Variants in FBXL13 observed in about 807,000 individuals in gnomAD.
The protein encoded by FBXL13 is F-box and leucine rich repeat protein 13, also known as F-box and leucine-rich repeat protein 13.
FBXL13 carries 67 observed loss-of-function variants against 83.6 expected under a neutral mutation model. The observed-to-expected ratio is 0.80, with a 90% CI of 0.66 to 0.98. The LOEUF (loss-of-function observed/expected upper bound fraction) is 0.98, where lower values mean the gene tolerates loss of function less well. Among genes scored for constraint, FBXL13 ranks in the 50% least tolerant of loss-of-function variants. FBXL13 has a pLI of 0.00. For missense variants in FBXL13, 822 were observed against 866.5 expected (o/e 0.95, Z 0.64); for synonymous variants, 272 against 299.5 (o/e 0.91, Z 0.95).
Position 102,861,867 on chromosome 7 carries a change from G to A in FBXL13, c.1636-7007C>T, listed in dbSNP as rs529347672. Among the ~76,000 whole-genome samples, 10 of 151,708 alleles carry A rather than the reference G, an allele frequency of 6.6e-5. No individual in the cohort carries two copies. In the East Asian group the frequency reaches 1.6e-3, roughly 24 times the overall value. ...CATGGTGGCAGGTGCTTGTAATCCC[G>A]GCTACTCGGGAGGATGAGGCAGGAG... is the stretch of plus-strand genomic sequence containing the variant. On this transcript the variant is annotated intron_variant, in intron 16 of 19. Coordinates refer to ENST00000313221, the Ensembl canonical transcript of FBXL13.
chr7:102,939,282 G>C (rs971336941), intron 8 of FBXL13: 7 of 615,544 alleles, frequency 1.1e-5, no homozygotes, highest in Non-Finnish European at 1.6e-5. Context: ...GTATGCTAAG[G>C]CTTGTTTCAT....
intron 2 of FBXL13, 56 bp downstream of exon 2, chr7:103,055,588 A>G: frequency 1.3e-6 from 1 of 799,144 alleles, no homozygotes; most frequent in South Asian, 1.6e-5. Flanking sequence ...ACTATGCAAT[A>G]AAAGTTTTCC....
intron 6 of FBXL13, chr7:102,978,551 C>T (rs1050143699): frequency 6.4e-6 from 1 of 156,072 alleles, no homozygotes; most frequent in Non-Finnish European, 1.4e-5. Flanking sequence ...CAGACTGGGA[C>T]ATTTCCTGTT....
At chr7:102,882,125 T>C (rs1446097197) in intron 14 of FBXL13, among the ~76,000 whole-genome samples, 1 of 152,084 alleles carries the variant, frequency 6.6e-6, no homozygotes, top group Non-Finnish European at 1.5e-5. Flanking sequence ...CTGGATATGA[T>C]GGAGTGTGCC....
intron 11 of FBXL13, among the ~76,000 whole-genome samples, chr7:102,901,089 G>C (rs1812910929): frequency 6.6e-6 from 1 of 152,160 alleles, no homozygotes; most frequent in Admixed American, 6.5e-5. Flanking sequence ...CTCGAGGGAG[G>C]GAGGCTGACT....
At chr7:102,853,108 T>C (rs1805508988) in intron 17 of FBXL13, among the ~76,000 whole-genome samples, 1 of 152,144 alleles carries the variant, frequency 6.6e-6, no homozygotes, top group African/African-American at 2.4e-5. Context: ...TCACTCATAA[T>C]TGGGAGCTAA....
intron 8 of FBXL13, among the ~76,000 whole-genome samples, chr7:102,953,803 C>A (rs1430537052): frequency 6.6e-6 from 1 of 152,120 alleles, no homozygotes; most frequent in African/African-American, 2.4e-5. Context: ...CAAACTGAAA[C>A]CCTGAATGTT....
chr7:103,067,873 C>CT (rs1236372392), intron 1 of FBXL13, among the ~76,000 whole-genome samples: 1 of 152,100 alleles, frequency 6.6e-6, no homozygotes, highest in Non-Finnish European at 1.5e-5. Context: ...ACCAAGGAAT[C>CT]TAAGATGGGT....
At chr7:102,862,172 G>A (rs1355240397) in intron 16 of FBXL13, among the ~76,000 whole-genome samples, 3 of 151,706 alleles carry the variant, frequency 2.0e-5, no homozygotes, top group Admixed American at 6.6e-5. Flanking sequence ...GTGAAACCCC[G>A]TCTCTACTAA....
chr7:103,016,047 G>A (rs1479765135), intron 6 of FBXL13, among the ~76,000 whole-genome samples: 1 of 152,144 alleles, frequency 6.6e-6, no homozygotes, highest in African/African-American at 2.4e-5. Context: ...CATGCTCATG[G>A]ATAGGAAGAA....
intron 8 of FBXL13, among the ~76,000 whole-genome samples, chr7:102,947,870 G>C (rs1822781592): frequency 6.6e-6 from 1 of 151,964 alleles, no homozygotes; most frequent in African/African-American, 2.4e-5. Flanking sequence ...GAGTCCTCCT[G>C]AGTCCTGAGT....
intron 17 of FBXL13, among the ~76,000 whole-genome samples, chr7:102,853,703 G>T (rs1472042305): frequency 6.6e-6 from 1 of 152,066 alleles, no homozygotes; most frequent in East Asian, 1.9e-4. Context: ...ATCAAAAAGT[G>T]GGCAAAGGAC....
chr7:102,919,468 A>C (rs1816563600), intron 10 of FBXL13, among the ~76,000 whole-genome samples: 1 of 152,226 alleles, frequency 6.6e-6, no homozygotes, highest in African/African-American at 2.4e-5. Flanking sequence ...AATATATTTT[A>C]GTGTTCAAAA....
At chr7:102,847,703 A>AT (rs750735817) in intron 17 of FBXL13, among the ~76,000 whole-genome samples, 11 of 151,862 alleles carry the variant, frequency 7.2e-5, no homozygotes, top group Non-Finnish European at 1.5e-4. Context: ...ATTTTTTTGT[A>AT]TTTTTAGTAG....
chr7:103,061,223 G>A (rs762912246), intron 1 of FBXL13, among the ~76,000 whole-genome samples: 1 of 151,788 alleles, frequency 6.6e-6, no homozygotes, highest in Non-Finnish European at 1.5e-5. Context: ...AGACTTGAAG[G>A]TTTTTAAAGC....
At chr7:102,981,533 C>T (rs1300516624) in intron 6 of FBXL13, among the ~76,000 whole-genome samples, 1 of 152,162 alleles carries the variant, frequency 6.6e-6, no homozygotes, top group Non-Finnish European at 1.5e-5. Context: ...TTGTCTTAGT[C>T]CATTTGAGCT....
At chr7:102,907,065 C>T (rs1237707345) in intron 11 of FBXL13, among the ~76,000 whole-genome samples, 20 of 152,120 alleles carry the variant, frequency 1.3e-4, no homozygotes, top group South Asian at 6.2e-4. Context: ...CTCCACCTCC[C>T]GGGTTCAAAC....
chr7:102,955,620 A>T (rs2129477841), intron 8 of FBXL13, among the ~76,000 whole-genome samples: 1 of 152,094 alleles, frequency 6.6e-6, no homozygotes, highest in South Asian at 2.1e-4. Flanking sequence ...AAAAAGATCA[A>T]CAGAATTGAC....
At chr7:102,869,969 T>C (rs7794668) in intron 16 of FBXL13, among the ~76,000 whole-genome samples, 74,370 of 152,056 alleles carry the variant, frequency 0.49, 20,693 homozygotes, top group African/African-American at 0.77. Context: ...TTAGACTCTA[T>C]CAATGACTAT....
Sources: allele counts gnomAD v4.1 joint callset (sites outside exome capture counted in the v4.1 genomes callset), GRCh38; gene constraint gnomAD v4.1.1; transcripts MANE v1.5; gene names NCBI Gene and HGNC (gene_info 2026-07-23, HGNC 2026-07-21).